Variants in ISY1 observed in about 807,000 individuals in gnomAD.
The protein encoded by ISY1 is ISY1 spliceosome associated protein.
ISY1 carries 12 observed loss-of-function variants against 54.4 expected under a neutral mutation model. The observed-to-expected ratio is 0.22, with a 90% confidence interval of 0.14 to 0.36. The LOEUF (loss-of-function observed/expected upper bound fraction) is 0.36, where lower values mean the gene tolerates loss of function less well. Among genes scored for constraint, ISY1 ranks in the 10% least tolerant of loss-of-function variants. The probability of loss-of-function intolerance (pLI) is 1.00; values close to 1 mark genes in which losing one functional copy is unlikely to be tolerated. For missense variants in ISY1, 282 were observed against 342.2 expected (o/e 0.82, Z 1.39); for synonymous variants, 96 against 117.9 (o/e 0.81, Z 1.20).
chr3:129,129,936 C>T lies in ISY1; in HGVS notation c.*145G>A. On this transcript the variant is annotated 3_prime_UTR_variant, in exon 11 of 11. Transcript: ENST00000393295. Reference sequence around the variant, plus strand: ...CAGGAAGACCAGGGACAGACCCCTACCCTCCGGTCAACATGAGACAAGGAG... The same window carrying T: ...CAGGAAGACCAGGGACAGACCCCTATCCTCCGGTCAACATGAGACAAGGAG... The T allele has an allele frequency of 1.7e-6, 1 of 593,472 alleles. No homozygotes were observed. The highest frequency in any genetic ancestry group is 2.9e-6 in the Non-Finnish European group (1 of 347,616). 36.8% of individuals were successfully genotyped at this position (593,472 alleles called of 1,614,324 possible). A position where few individuals can be genotyped will look rare whatever the true frequency, so the allele number is the denominator to read the frequency against.
intron 7 of ISY1, among the ~76,000 whole-genome samples, chr3:129,138,917 TTC>T (rs1187024948): frequency 2.6e-5 from 4 of 152,020 alleles, no homozygotes; most frequent in African/African-American, 9.7e-5. Flanking sequence ...AGTGGTTTTT[TTC>T]TGATTTTCTG....
chr3:129,154,174 C>T (rs1253691451), intron 5 of ISY1, among the ~76,000 whole-genome samples: 1 of 144,132 alleles, frequency 6.9e-6, no homozygotes, highest in Non-Finnish European at 1.5e-5. Context: ...CCCCGGGGGG[C>T]GGAGCCTGCA....
At chr3:129,134,719 A>G in intron 8 of ISY1, 113 bp downstream of exon 8, 4 of 1,373,066 alleles carry the variant, frequency 2.9e-6, no homozygotes, top group Non-Finnish European at 3.9e-6. Context: ...GAAGATCATT[A>G]GCAACAAAGA....
intron 8 of ISY1, 152 bp from the exon 9 acceptor site, chr3:129,134,347 T>G (rs1936329524): frequency 7.1e-7 from 1 of 1,415,866 alleles, no homozygotes; most frequent in South Asian, 1.4e-5. Flanking sequence ...GAAATGGATG[T>G]GAAGCATGGT....
chr3:129,133,751 G>A (rs556866520), intron 9 of ISY1, among the ~76,000 whole-genome samples: 5 of 152,252 alleles, frequency 3.3e-5, no homozygotes, highest in Admixed American at 3.3e-4. Flanking sequence ...CCACTGACAC[G>A]TGAACAGAAG....
chr3:129,137,513 A>C (rs1403460645), intron 7 of ISY1, among the ~76,000 whole-genome samples: 1 of 152,200 alleles, frequency 6.6e-6, no homozygotes, highest in African/African-American at 2.4e-5. Context: ...ACAATATAGG[A>C]GCCACCCCAA....
chr3:129,154,996 G>A (rs1010654111), intron 5 of ISY1, among the ~76,000 whole-genome samples: 1 of 151,504 alleles, frequency 6.6e-6, no homozygotes, highest in African/African-American at 2.4e-5. Flanking sequence ...CAATTTTATT[G>A]ATCTTTTCAA....
chr3:129,134,590 C>G (rs1358190953), intron 8 of ISY1, among the ~76,000 whole-genome samples: 3 of 152,150 alleles, frequency 2.0e-5, no homozygotes, highest in Non-Finnish European at 4.4e-5. Context: ...ACATGGTGAC[C>G]TCCTAGCAGA....
chr3:129,153,380 G>A (rs557597117), intron 5 of ISY1, among the ~76,000 whole-genome samples: 1 of 152,284 alleles, frequency 6.6e-6, no homozygotes, highest in East Asian at 1.9e-4. Flanking sequence ...CTAAACAGTA[G>A]AATTATTGAC....
intron 1 of ISY1, among the ~76,000 whole-genome samples, chr3:129,160,282 C>T (rs1937264962): frequency 6.6e-6 from 1 of 152,094 alleles, no homozygotes; most frequent in South Asian, 2.1e-4. Context: ...AGGGGCTTCA[C>T]TTAATGAAAA....
chr3:129,130,710 C>T, intron 9 of ISY1, 74 bp from the exon 10 acceptor site: 1 of 1,507,692 alleles, frequency 6.6e-7, no homozygotes, highest in Non-Finnish European at 9.1e-7. Flanking sequence ...ATAAAACACA[C>T]TACTCTGCAA....
chr3:129,142,967 A>G (rs974167528), intron 6 of ISY1, among the ~76,000 whole-genome samples: 1 of 152,194 alleles, frequency 6.6e-6, no homozygotes, highest in Non-Finnish European at 1.5e-5. Context: ...AGGCATGAGA[A>G]TCGCTTGAAC....
intron 7 of ISY1, among the ~76,000 whole-genome samples, chr3:129,135,790 C>G (rs1936378811): frequency 6.7e-6 from 1 of 149,858 alleles, no homozygotes; most frequent in African/African-American, 2.4e-5. Flanking sequence ...AAAAACCAAA[C>G]ACGAGATAGC....
chr3:129,157,481 G>C (rs965084765), intron 3 of ISY1, among the ~76,000 whole-genome samples: 4 of 152,086 alleles, frequency 2.6e-5, no homozygotes, highest in Non-Finnish European at 5.9e-5. Flanking sequence ...CACTTTGGGA[G>C]GTCAAGGCAG....
chr3:129,144,867 T>C (rs996852078), intron 6 of ISY1, among the ~76,000 whole-genome samples: 4 of 152,170 alleles, frequency 2.6e-5, no homozygotes, highest in African/African-American at 7.2e-5. Flanking sequence ...AACAAATAGC[T>C]GTCTCCAGTT....
At chr3:129,140,253 A>T in intron 7 of ISY1, 115 bp downstream of exon 7, 1 of 865,346 alleles carries the variant, frequency 1.2e-6, no homozygotes, top group Non-Finnish European at 1.8e-6. Context: ...AATAATTCCT[A>T]CACTATAAGG....
At chr3:129,147,623 T>A (rs1936809068) in intron 5 of ISY1, among the ~76,000 whole-genome samples, 1 of 152,158 alleles carries the variant, frequency 6.6e-6, no homozygotes, top group Non-Finnish European at 1.5e-5. Flanking sequence ...TTATTTTTTT[T>A]ATTGACTTTC....
chr3:129,142,223 A>G (rs932700625), intron 6 of ISY1, among the ~76,000 whole-genome samples: 1 of 151,680 alleles, frequency 6.6e-6, no homozygotes, highest in Non-Finnish European at 1.5e-5. Flanking sequence ...AAAAAAAAAA[A>G]AGACGATTTG....
intron 7 of ISY1, among the ~76,000 whole-genome samples, chr3:129,137,927 A>C (rs1441951903): frequency 3.4e-5 from 5 of 147,750 alleles, no homozygotes; most frequent in Admixed American, 2.0e-4. Flanking sequence ...AAAAAAAAAA[A>C]AAAAAAAAAC....
Sources: allele counts gnomAD v4.1 joint callset (sites outside exome capture counted in the v4.1 genomes callset), GRCh38; gene constraint gnomAD v4.1.1; transcripts MANE v1.5; gene names NCBI Gene and HGNC (gene_info 2026-07-23, HGNC 2026-07-21).